SPPL2B: variants seen among roughly 807,000 people sequenced by gnomAD.
The protein encoded by SPPL2B is signal peptide peptidase like 2B.
Under a neutral mutation model 59.7 loss-of-function variants are expected in SPPL2B, and 39 were observed. The ratio of observed to expected loss-of-function variants is 0.65; its 90% confidence interval spans 0.51 to 0.85. SPPL2B has a LOEUF of 0.85. Ranked by LOEUF, SPPL2B falls within the 40% of genes least tolerant of loss-of-function variation. The pLI is 0.00. For synonymous variants in SPPL2B, 419 were observed against 370.8 expected (o/e 1.13, Z -1.49); for missense variants, 865 against 849.0 (o/e 1.02, Z -0.23).
Position 2,332,745 on chromosome 19 carries a change from C to T in SPPL2B, c.67-1857C>T, listed in dbSNP as rs571735920. On this transcript the variant is annotated intron_variant, in intron 1 of 14. Coordinates refer to ENST00000613503, the MANE Select transcript of SPPL2B (RefSeq NM_152988.3). This position sits in a 1 kb window ranked among gnomAD's most constrained non-coding sequence, Gnocchi z 4.6. ...CGTGGTTTTTCTTCTGGGACCCCTC[C>T]TCCCTGTGCAGGCCGGGCTCCCCTG... Among the ~76,000 whole-genome samples the T allele has an allele frequency of 6.4e-4, 98 of 152,298 alleles. 1 individual carries two copies. The South Asian group carries it at 0.016, about 24-fold the overall frequency.
intron 3 of SPPL2B, 155 bp from the exon 4 acceptor site, chr19:2,338,597 G>A (rs999050974): frequency 3.8e-5 from 22 of 576,598 alleles, no homozygotes; most frequent in South Asian, 1.1e-4. Context: ...CTGGGGGGCC[G>A]GAGGCTGTCA....
chr19:2,344,534 C>A lies in SPPL2B; in HGVS notation c.1177-19C>A. ...GGGTGAGGGTCCTGGAGGACATTGT[C>A]CTCTTCCCGTCTTTGCAGCTGCCCA... On this transcript the variant is annotated intron_variant, in intron 11 of 14. Transcript: ENST00000613503. 1 of 1,604,942 alleles carries A rather than the reference C, an allele frequency of 6.2e-7. No individual in the cohort carries two copies. Among genetic ancestry groups the A allele is most frequent in the Non-Finnish European group, 8.5e-7 (1 of 1,173,060 alleles).
intron 13 of SPPL2B, among the ~76,000 whole-genome samples, chr19:2,348,222 CT>C (rs1391709640): frequency 8.0e-6 from 1 of 125,654 alleles, no homozygotes; most frequent in African/African-American, 3.0e-5. Flanking sequence ...CACACACACT[CT>C]CATTCGCCTG....
chr19:2,339,212 A>T lies in SPPL2B; in HGVS notation c.599+4A>T. 6.2e-7 allele frequency: 1 copy of T among 1,602,576 alleles called. No homozygotes were observed. Among genetic ancestry groups the T allele is most frequent in the African/African-American group, 1.3e-5 (1 of 74,860 alleles). ...CCGGGAGTCGGGACGTGAAGAAGTG[A>T]GTTTCGCATCGTGCGTGTGCTGTGA... is the stretch of plus-strand genomic sequence containing the variant. On this transcript the variant is annotated splice_donor_region_variant and intron_variant, in intron 5 of 14. Coordinates refer to ENST00000613503, the MANE Select transcript of SPPL2B (RefSeq NM_152988.3).
intron 14 of SPPL2B, chr19:2,351,805 A>G (rs1297114927): frequency 2.1e-4 from 33 of 153,810 alleles, no homozygotes; most frequent in Non-Finnish European, 3.0e-4. Context: ...CGGGGGTGCC[A>G]GGTGGGGCCC....
chr19:2,344,487 G>A, intron 11 of SPPL2B, 63 bp downstream of exon 11: 6 of 1,567,594 alleles, frequency 3.8e-6, no homozygotes, highest in Non-Finnish European at 5.2e-6. Context: ...GGAGCGGATA[G>A]GGCTCGAGGC....
At chr19:2,339,697 T>G in intron 5 of SPPL2B, 127 bp from the exon 6 acceptor site, 1 of 1,143,424 alleles carries the variant, frequency 8.7e-7, no homozygotes, top group Non-Finnish European at 1.2e-6. Flanking sequence ...TCCTTGCACT[T>G]CAGTCCCCCC....
Position 2,354,177 on chromosome 19 carries a change from GC to G in SPPL2B, c.*970del, listed in dbSNP as rs1224268357. On this transcript the variant is annotated 3_prime_UTR_variant, in exon 15 of 15. Coordinates refer to ENST00000613503, the MANE Select transcript of SPPL2B (RefSeq NM_152988.3). ...TTCTCCCTGTGGCAGCGGCATTGGT[GC>G]CTGGGTTCTTAACCCTCTGGACCCA... The G allele has an allele frequency of 1.3e-5, 2 of 152,266 alleles. No homozygotes were observed. 9.4% of individuals were successfully genotyped at this position (152,266 alleles called of 1,614,324 possible).
intron 13 of SPPL2B, among the ~76,000 whole-genome samples, chr19:2,346,349 CTG>C (rs1276618797): frequency 6.6e-6 from 1 of 152,270 alleles, no homozygotes; most frequent in African/African-American, 2.4e-5. Context: ...CCCGATTTTA[CTG>C]TCTTCATGAT....
In SPPL2B at chr19:2,353,233, C is replaced by T. The variant is rs758925348; in HGVS notation, c.*24C>T. On this transcript the variant is annotated 3_prime_UTR_variant, in exon 15 of 15. Transcript: ENST00000613503. ...AGGGGAGGGGTGAGACGCTCGCTGC[C>T]GTGCCCGCCACACCAAGATGTTGGG... is the stretch of plus-strand genomic sequence containing the variant. The T allele has an allele frequency of 2.2e-5, 34 of 1,535,528 alleles. 1 individual carries two copies. The highest frequency in any genetic ancestry group is 4.6e-5 in the East Asian group (2 of 43,546).
intron 9 of SPPL2B, 106 bp downstream of exon 9, chr19:2,343,398 T>C: frequency 2.1e-6 from 2 of 966,926 alleles, no homozygotes; most frequent in East Asian, 2.6e-5. Context: ...GTGCTCCTGC[T>C]CACTGCCCTG....
At chr19:2,343,620 G>A (rs1202123922) in intron 9 of SPPL2B, among the ~76,000 whole-genome samples, 2 of 152,074 alleles carry the variant, frequency 1.3e-5, no homozygotes, top group South Asian at 2.1e-4. Flanking sequence ...AGCCCCAGGC[G>A]GCTGCACTCC....
intron 5 of SPPL2B, 127 bp from the exon 6 acceptor site, chr19:2,339,697 T>C: frequency 1.7e-6 from 2 of 1,143,424 alleles, no homozygotes; most frequent in South Asian, 1.5e-5. Flanking sequence ...TCCTTGCACT[T>C]CAGTCCCCCC....
chr19:2,348,720 A>ACG (rs201864894), intron 13 of SPPL2B, among the ~76,000 whole-genome samples: 6 of 82,600 alleles, frequency 7.3e-5, no homozygotes, highest in Admixed American at 1.2e-4. Context: ...ACACACACTC[A>ACG]CGCTCTCATT....
chr19:2,340,755 G>C (rs140857322), intron 7 of SPPL2B, 143 bp from the exon 8 acceptor site: 1 of 605,450 alleles, frequency 1.7e-6, no homozygotes. Context: ...TGTTGTCATC[G>C]TGTGGGATGT....
chr19:2,339,974 GCCC>G lies in SPPL2B; in HGVS notation c.742+10_742+12del, dbSNP rs765511243. The G allele has an allele frequency of 5.2e-5, 81 of 1,552,450 alleles. 2 individuals carry two copies. The South Asian group carries it at 9.1e-4, about 17-fold the overall frequency. The stretch of plus-strand genomic sequence containing the variant: ...ATTTCTACGATCTCCTCGGTGCGCG[GCCC>G]CGGGCGGGTGGGCCGCGGCGTGGAG... On this transcript the variant is annotated intron_variant, in intron 6 of 14. Coordinates refer to ENST00000613503, the MANE Select transcript of SPPL2B (RefSeq NM_152988.3).
intron 8 of SPPL2B, chr19:2,341,394 A>T (rs990214173): frequency 8.4e-6 from 4 of 473,830 alleles, no homozygotes; most frequent in Middle Eastern, 3.1e-4. Flanking sequence ...GGGTGTGGGC[A>T]CCAGGGCACC....
At chr19:2,349,165 C>CT (rs1568452399) in intron 13 of SPPL2B, among the ~76,000 whole-genome samples, 10 of 17,234 alleles carry the variant, frequency 5.8e-4, no homozygotes, top group East Asian at 1.8e-3. Flanking sequence ...CCATTCTCTC[C>CT]CTCCACACAC....
chr19:2,342,114 G>C (rs895937047), intron 8 of SPPL2B: 1 of 154,484 alleles, frequency 6.5e-6, no homozygotes, highest in Non-Finnish European at 1.4e-5. Flanking sequence ...AGACGCTGAG[G>C]AACGCTGGGG....
Sources: gnomAD v4.1 joint callset for allele counts (sites outside exome capture counted in the v4.1 genomes callset) on GRCh38, gnomAD v4.1.1 for gene constraint, Gnocchi (gnomAD v3.1) non-coding constraint, MANE v1.5 for transcripts, NCBI Gene and HGNC (gene_info 2026-07-23, HGNC 2026-07-21) for gene names.